Variants in RNF130 observed in about 807,000 individuals in gnomAD.
RNF130 encodes the protein E3 ubiquitin-protein ligase RNF130.
RNF130 carries 21 observed loss-of-function variants against 44.6 expected under a neutral mutation model. The observed-to-expected ratio is 0.47, with a 90% confidence interval of 0.33 to 0.68. RNF130 has a LOEUF of 0.68. Among genes scored for constraint, RNF130 ranks in the 30% least tolerant of loss-of-function variants. The pLI, the probability that RNF130 is intolerant of heterozygous loss-of-function variation, is 0.02. For missense variants in RNF130, 479 were observed against 560.6 expected, an observed-to-expected ratio of 0.85 and a Z score of 1.47; for synonymous variants, 214 against 210.4, an observed-to-expected ratio of 1.02 and a Z score of -0.15.
chr5:179,952,898 A>T (rs980735882), downstream of RNF130, among the ~76,000 whole-genome samples: 3 of 152,218 alleles, frequency 2.0e-5, no homozygotes, highest in African/African-American at 4.8e-5. Context: ...ATCAGTGGTG[A>T]CAGATGGAAA....
chr5:180,046,955 C>A (rs1424211118), intron 1 of RNF130, among the ~76,000 whole-genome samples: 1 of 152,060 alleles, frequency 6.6e-6, no homozygotes, highest in Non-Finnish European at 1.5e-5. Context: ...AGGGGAAAAA[C>A]AACAGGGAAA....
At chr5:179,920,278 C>G in exon 8 of RNF130, 2 of 678,206 alleles carry the variant, frequency 2.9e-6, no homozygotes, top group Non-Finnish European at 5.4e-6. Flanking sequence ...AATCAAATCA[C>G]AAAAGCAGTG....
intron 3 of RNF130, among the ~76,000 whole-genome samples, chr5:180,002,055 T>C (rs1763357719): frequency 6.6e-6 from 1 of 152,230 alleles, no homozygotes; most frequent in Non-Finnish European, 1.5e-5. Flanking sequence ...CATACTCTTT[T>C]GGGTGGGCCA....
At chr5:179,997,137 TTTTTAAAA>T (rs1763218306) in intron 3 of RNF130, among the ~76,000 whole-genome samples, 2 of 152,096 alleles carry the variant, frequency 1.3e-5, no homozygotes, top group South Asian at 4.1e-4. Context: ...TTTTTAGTCT[TTTTTAAAA>T]TTTTATTTCT....
At chr5:180,069,138 C>G (rs1361784970) in intron 1 of RNF130, among the ~76,000 whole-genome samples, 1 of 152,224 alleles carries the variant, frequency 6.6e-6, no homozygotes, top group East Asian at 1.9e-4. Flanking sequence ...CCTACTGCAA[C>G]AGCAGAAGAT....
At chr5:179,987,458 C>T (rs531507387) in intron 3 of RNF130, among the ~76,000 whole-genome samples, 54 of 152,322 alleles carry the variant, frequency 3.5e-4, no homozygotes, top group African/African-American at 9.9e-4. Context: ...TGTGAGCCAC[C>T]GAGCTTGGCC....
chr5:180,021,129 C>T (rs757126017), intron 2 of RNF130, among the ~76,000 whole-genome samples: 22 of 152,200 alleles, frequency 1.4e-4, no homozygotes, highest in Non-Finnish European at 2.8e-4. Context: ...CCAAACCCGG[C>T]TCATTTTTTT....
At chr5:180,026,803 T>A (rs1208324409) in intron 2 of RNF130, among the ~76,000 whole-genome samples, 1 of 152,200 alleles carries the variant, frequency 6.6e-6, no homozygotes, top group East Asian at 1.9e-4. Context: ...CAAGCCATAT[T>A]TATTTTGTTC....
chr5:180,017,490 G>A (rs901855727), intron 2 of RNF130, among the ~76,000 whole-genome samples: 7 of 152,100 alleles, frequency 4.6e-5, no homozygotes, highest in African/African-American at 1.4e-4. Flanking sequence ...AGCATCCACT[G>A]GTGTTTGCCT....
intron 7 of RNF130, among the ~76,000 whole-genome samples, chr5:179,933,346 A>T (rs1761837485): frequency 1.3e-5 from 2 of 150,924 alleles, no homozygotes; most frequent in Non-Finnish European, 2.9e-5. Context: ...TGTATTTTTC[A>T]AAATCATCAA....
At chr5:179,982,962 T>A (rs1018058366) in intron 3 of RNF130, among the ~76,000 whole-genome samples, 3 of 152,208 alleles carry the variant, frequency 2.0e-5, no homozygotes, top group African/African-American at 7.2e-5. Context: ...CATGTGTACA[T>A]TGTCTGTGGT....
At chr5:180,057,299 A>T (rs1029077495) in intron 1 of RNF130, among the ~76,000 whole-genome samples, 1 of 152,266 alleles carries the variant, frequency 6.6e-6, no homozygotes, top group African/African-American at 2.4e-5. Flanking sequence ...CTGTAATCCC[A>T]GCACTTTGGG....
chr5:180,028,249 C>T (rs773004207), intron 2 of RNF130, among the ~76,000 whole-genome samples: 39 of 152,128 alleles, frequency 2.6e-4, no homozygotes, highest in Non-Finnish European at 5.4e-4. Context: ...GTCATGACTT[C>T]GTACTCAATG....
chr5:179,918,499 G>A (rs942504458), exon 8 of RNF130: 3 of 152,088 alleles, frequency 2.0e-5, no homozygotes, highest in Admixed American at 6.6e-5. Context: ...CTTTCAGGTG[G>A]GTCAAACACA....
intron 7 of RNF130, among the ~76,000 whole-genome samples, chr5:179,931,879 A>C (rs1214489795): frequency 2.6e-5 from 4 of 152,126 alleles, no homozygotes; most frequent in Non-Finnish European, 1.5e-5. Flanking sequence ...CAGCTGTCCC[A>C]GCCAGTGCCA....
At chr5:179,949,162 G>T (rs1049982220) in intron 7 of RNF130, among the ~76,000 whole-genome samples, 2 of 151,692 alleles carry the variant, frequency 1.3e-5, no homozygotes, top group Non-Finnish European at 2.9e-5. Context: ...ATGGGGTTTC[G>T]CCATGTTGGC....
At chr5:179,928,538 C>T (rs1272535966) in intron 7 of RNF130, among the ~76,000 whole-genome samples, 2 of 152,034 alleles carry the variant, frequency 1.3e-5, no homozygotes, top group East Asian at 3.8e-4. Context: ...ATCAGGTTGT[C>T]AGTCTTCTTC....
At chr5:180,047,367 T>C (rs560302631) in intron 1 of RNF130, among the ~76,000 whole-genome samples, 20 of 152,252 alleles carry the variant, frequency 1.3e-4, no homozygotes, top group Non-Finnish European at 2.6e-4. Context: ...ATATAACTTA[T>C]TATTTTACTG....
At chr5:180,015,621 G>A (rs1403902469) in intron 2 of RNF130, among the ~76,000 whole-genome samples, 12 of 108,696 alleles carry the variant, frequency 1.1e-4, no homozygotes, top group East Asian at 3.0e-4. Flanking sequence ...AAGGAGTAGG[G>A]AAAGGAGTAG....
Sources: gnomAD v4.1 joint callset for allele counts (sites outside exome capture counted in the v4.1 genomes callset) on GRCh38, gnomAD v4.1.1 for gene constraint, MANE v1.5 for transcripts, NCBI Gene and HGNC (gene_info 2026-07-23, HGNC 2026-07-21) for gene names.